The following ZBTB16 variants were observed in gnomAD, a reference collection of about 807,000 sequenced individuals.
The protein encoded by ZBTB16 is zinc finger and BTB domain-containing protein 16.
Under a neutral mutation model 56.8 loss-of-function variants are expected in ZBTB16, and 8 were observed. The observed-to-expected ratio is 0.14, with a 90% CI of 0.08 to 0.25. The LOEUF (loss-of-function observed/expected upper bound fraction) is 0.25. Among genes scored for constraint, ZBTB16 ranks in the 10% least tolerant of loss-of-function variants. The probability of loss-of-function intolerance (pLI) is 1.00; values close to 1 mark genes in which losing one functional copy is unlikely to be tolerated. For synonymous variants in ZBTB16, 363 were observed against 368.5 expected, an observed-to-expected ratio of 0.98 and a Z score of 0.17; for missense variants, 625 against 903.0, an observed-to-expected ratio of 0.69 and a Z score of 3.95.
intron 2 of ZBTB16, among the ~76,000 whole-genome samples, chr11:114,075,763 G>T (rs1014896004): frequency 6.6e-6 from 1 of 152,004 alleles, no homozygotes; most frequent in Non-Finnish European, 1.5e-5. Flanking sequence ...GAGCCACTGC[G>T]CCTGGCCTAA....
At chr11:114,223,803 T>G (rs1944282923) in intron 4 of ZBTB16, among the ~76,000 whole-genome samples, 1 of 152,124 alleles carries the variant, frequency 6.6e-6, no homozygotes. Flanking sequence ...GGAGGTGGTG[T>G]CATCTAAGCT....
At chr11:114,220,733 G>A (rs986278580) in intron 4 of ZBTB16, among the ~76,000 whole-genome samples, 1 of 152,152 alleles carries the variant, frequency 6.6e-6, no homozygotes, top group African/African-American at 2.4e-5. Flanking sequence ...CGTTAATTAA[G>A]TAGTATATAA....
At chr11:114,237,818 A>C (rs447174) in intron 4 of ZBTB16, among the ~76,000 whole-genome samples, 97,468 of 151,990 alleles carry the variant, frequency 0.64, 32,490 homozygotes, top group East Asian at 0.87. Context: ...CATCTCCCCC[A>C]CTTTTCCATT....
intron 4 of ZBTB16, among the ~76,000 whole-genome samples, chr11:114,196,174 G>A (rs984076235): frequency 5.3e-5 from 8 of 152,292 alleles, no homozygotes; most frequent in Admixed American, 4.6e-4. Context: ...AACTGGAATC[G>A]AGACTAAGCA....
At chr11:114,154,818 G>T (rs999979459) in intron 2 of ZBTB16, among the ~76,000 whole-genome samples, 1 of 152,182 alleles carries the variant, frequency 6.6e-6, no homozygotes, top group African/African-American at 2.4e-5. Flanking sequence ...AAAACAATGT[G>T]ATTGAGAAAG....
chr11:114,138,029 C>G (rs990076968), intron 2 of ZBTB16, among the ~76,000 whole-genome samples: 6 of 152,164 alleles, frequency 3.9e-5, no homozygotes, highest in African/African-American at 7.2e-5. Context: ...TGGGGCAGAG[C>G]CTGTCATGGA....
chr11:114,156,529 C>G, intron 3 of ZBTB16, 95 bp downstream of exon 3: 2 of 1,169,956 alleles, frequency 1.7e-6, no homozygotes, highest in Non-Finnish European at 2.5e-6. Context: ...CCTGCATGTC[C>G]CCACTGCCCG....
intron 3 of ZBTB16, among the ~76,000 whole-genome samples, chr11:114,167,295 G>A (rs1202333260): frequency 8.9e-6 from 1 of 112,446 alleles, no homozygotes; most frequent in African/African-American, 4.7e-5. Flanking sequence ...TCTCAGAGAG[G>A]GCTTGGCTGT....
chr11:114,212,278 T>C (rs1233826621), intron 4 of ZBTB16, among the ~76,000 whole-genome samples: 1 of 152,178 alleles, frequency 6.6e-6, no homozygotes, highest in Non-Finnish European at 1.5e-5. Flanking sequence ...CCTTAACAGA[T>C]ACTTTTGTGT....
At chr11:114,073,816 T>C (rs1043026114) in intron 2 of ZBTB16, among the ~76,000 whole-genome samples, 1 of 152,146 alleles carries the variant, frequency 6.6e-6, no homozygotes, top group Non-Finnish European at 1.5e-5. Context: ...TCTTTCCTCT[T>C]TAGGGCCATT....
chr11:114,064,497 C>T lies in ZBTB16; in HGVS notation c.1197C>T (p.Ser399=). 1 of 1,614,096 alleles carries T rather than the reference C, an allele frequency of 6.2e-7. No homozygotes were observed. The highest frequency in any genetic ancestry group is 1.1e-5 in the South Asian group (1 of 91,084). ...GELAVGMKSE[S]RTIGEQCSVC... The stretch of plus-strand genomic sequence containing the variant: ...TGGCTGTGGGCATGAAGTCAGAGAG[C>T]CGGACCATCGGAGAGCAGTGCAGCG... The change falls in exon 2 of 7, where the codon AGC becomes AGT. Residue 399 remains serine, a synonymous_variant. Transcript: ENST00000335953. The surrounding 1 kb of genome is among the most constrained non-coding windows in gnomAD (Gnocchi z 4.2).
chr11:114,220,499 C>T (rs373394380), intron 4 of ZBTB16, among the ~76,000 whole-genome samples: 1 of 152,054 alleles, frequency 6.6e-6, no homozygotes, highest in African/African-American at 2.4e-5. Context: ...ACCTTGGAGC[C>T]CTTCTCAACT....
chr11:114,114,690 T>A (rs1941118470), intron 2 of ZBTB16, among the ~76,000 whole-genome samples: 1 of 151,736 alleles, frequency 6.6e-6, no homozygotes, highest in Non-Finnish European at 1.5e-5. Flanking sequence ...TTCTTTTTTT[T>A]TTTTTTTGAG....
intron 4 of ZBTB16, among the ~76,000 whole-genome samples, chr11:114,197,679 G>T (rs1214362209): frequency 6.6e-6 from 1 of 152,008 alleles, no homozygotes; most frequent in African/African-American, 2.4e-5. Context: ...GTGGGGGCAG[G>T]GGGTGGGGTG....
Position 114,063,555 on chromosome 11 carries a change from G to A in ZBTB16, c.255G>A (p.Glu85=). 6.2e-7 allele frequency: 1 copy of A among 1,614,230 alleles called. No individual in the cohort carries two copies. The highest frequency in any genetic ancestry group is 8.5e-7 in the Non-Finnish European group (1 of 1,180,050). Residue 85 remains glutamate, a synonymous_variant, in exon 2 of 7, where the codon GAG becomes GAA. Coordinates refer to ENST00000335953, the MANE Select transcript of ZBTB16 (RefSeq NM_006006.6). The surrounding 1 kb of genome is among the most constrained non-coding windows in gnomAD (Gnocchi z 6.5). Reference sequence around the variant, plus strand: ...CAAAGACCTTCCAGCAGATTCTGGAGTATGCATATACAGCCACGCTGCAAG... The same window carrying A: ...CAAAGACCTTCCAGCAGATTCTGGAATATGCATATACAGCCACGCTGCAAG... ...LSPKTFQQIL[E]YAYTATLQAK...
intron 4 of ZBTB16, among the ~76,000 whole-genome samples, chr11:114,218,045 A>T (rs1944146380): frequency 6.6e-6 from 1 of 152,062 alleles, no homozygotes; most frequent in Admixed American, 6.5e-5. Context: ...GTAGGAGAGA[A>T]GAGGCTGACA....
intron 2 of ZBTB16, among the ~76,000 whole-genome samples, chr11:114,072,073 G>T (rs1378710954): frequency 6.6e-6 from 1 of 152,212 alleles, no homozygotes; most frequent in Non-Finnish European, 1.5e-5. Flanking sequence ...TGTTTGCTAG[G>T]GTATTTTTCT....
intron 2 of ZBTB16, among the ~76,000 whole-genome samples, chr11:114,098,953 G>A (rs1265371897): frequency 6.6e-6 from 1 of 152,106 alleles, no homozygotes; most frequent in Non-Finnish European, 1.5e-5. Context: ...TGGCACTGCC[G>A]AATTCTACAG....
intron 3 of ZBTB16, among the ~76,000 whole-genome samples, chr11:114,160,002 G>A (rs1297112534): frequency 1.3e-5 from 2 of 151,318 alleles, no homozygotes; most frequent in Non-Finnish European, 1.5e-5. Flanking sequence ...CAGGATCTGG[G>A]TAGGGGTTGT....
Sources: allele counts gnomAD v4.1 joint callset (sites outside exome capture counted in the v4.1 genomes callset), GRCh38; gene constraint gnomAD v4.1.1; non-coding constraint Gnocchi (gnomAD v3.1); transcripts MANE v1.5; gene names NCBI Gene and HGNC (gene_info 2026-07-23, HGNC 2026-07-21).